Variants in PCDHGB6 observed in about 807,000 individuals in gnomAD.
PCDHGB6 encodes protocadherin gamma subfamily B, 6, also known as protocadherin gamma-B6.
A neutral mutation model predicts 59.1 loss-of-function variants in PCDHGB6; 51 were observed. The observed-to-expected ratio is 0.86, with a 90% confidence interval of 0.69 to 1.09. PCDHGB6 has a LOEUF of 1.09. PCDHGB6 is among the 50% of genes least tolerant of loss of function. The probability of loss-of-function intolerance (pLI) is 0.00; values close to 1 mark genes in which losing one functional copy is unlikely to be tolerated. For missense variants in PCDHGB6, 1,148 were observed against 1,205.1 expected (o/e 0.95, Z 0.70); for synonymous variants, 466 against 495.1 (o/e 0.94, Z 0.78).
chr5:141,464,676 T>C (rs1337677151), intron 1 of PCDHGB6, among the ~76,000 whole-genome samples: 3 of 152,176 alleles, frequency 2.0e-5, no homozygotes, highest in Non-Finnish European at 2.9e-5. Context: ...ATAATTTTAA[T>C]TAAAATTTCT....
chr5:141,503,213 A>G (rs1368413073), intron 2 of PCDHGB6, among the ~76,000 whole-genome samples: 1 of 152,100 alleles, frequency 6.6e-6, no homozygotes, highest in Non-Finnish European at 1.5e-5. Flanking sequence ...AGTGCCCACC[A>G]TGAGCACCGT....
chr5:141,427,654 T>C (rs2097054872), intron 1 of PCDHGB6: 3 of 727,622 alleles, frequency 4.1e-6, no homozygotes, highest in Non-Finnish European at 7.4e-6. Context: ...TCCTACGTGG[T>C]CCACGTGGCC....
Position 141,477,902 on chromosome 5 carries a change from T to A in PCDHGB6, c.2419-16905T>A. ...CCACCTAGTGTCACGGGTGGTAGGC[T>A]GGGACGCGGATGCAGGGCACAATGC... On this transcript the variant is annotated intron_variant, in intron 1 of 3. Transcript: ENST00000520790. The surrounding 1 kb of genome is among the most constrained non-coding windows in gnomAD (Gnocchi z 4.9). The A allele has an allele frequency of 6.2e-7, 1 of 1,614,176 alleles. No homozygotes were observed. Among genetic ancestry groups the A allele is most frequent in the Non-Finnish European group, 8.5e-7 (1 of 1,180,028 alleles).
rs768907590 is a variant in PCDHGB6, at chr5:141,422,045, G to C, written c.2418+11425G>C. Reference sequence around the variant, plus strand: ...GTTAATGCAACGGATCCAGACGAGGGAATCAACGGGGAAGTAATGTATTCA... The same window carrying C: ...GTTAATGCAACGGATCCAGACGAGGCAATCAACGGGGAAGTAATGTATTCA... On this transcript the variant is annotated intron_variant, in intron 1 of 3. Transcript: ENST00000520790. 1.5e-5 allele frequency: 24 copies of C among 1,611,434 alleles called. No individual in the cohort carries two copies. The Admixed American group carries it at 3.9e-4, about 26-fold the overall frequency.
intron 2 of PCDHGB6, among the ~76,000 whole-genome samples, chr5:141,502,431 G>A (rs998074347): frequency 1.3e-5 from 2 of 151,948 alleles, no homozygotes; most frequent in African/African-American, 4.8e-5. Context: ...TTCTCTGATG[G>A]TTAGATTCAG....
At chr5:141,462,360 A>G (rs1400686908) in intron 1 of PCDHGB6, among the ~76,000 whole-genome samples, 1 of 152,238 alleles carries the variant, frequency 6.6e-6, no homozygotes, top group Non-Finnish European at 1.5e-5. Flanking sequence ...TATACATTGT[A>G]TAGTTTCTAT....
intron 1 of PCDHGB6, among the ~76,000 whole-genome samples, chr5:141,457,729 T>A (rs950979422): frequency 2.0e-5 from 3 of 152,236 alleles, no homozygotes; most frequent in Non-Finnish European, 4.4e-5. Context: ...GAATTTCAGA[T>A]TAGACTTTTA....
chr5:141,455,148 A>G (rs6897410), intron 1 of PCDHGB6, among the ~76,000 whole-genome samples: 9,268 of 149,002 alleles, frequency 0.062, 567 homozygotes, highest in African/African-American at 0.16. Flanking sequence ...TTAAATAAAT[A>G]TTAGTTTGTT....
chr5:141,449,688 T>G (rs951233495), intron 1 of PCDHGB6, among the ~76,000 whole-genome samples: 2 of 151,772 alleles, frequency 1.3e-5, no homozygotes, highest in African/African-American at 4.8e-5. Context: ...TATGTTTGTG[T>G]GTATGTACAC....
chr5:141,498,284 G>A (rs1339639509), intron 2 of PCDHGB6, among the ~76,000 whole-genome samples: 1 of 152,004 alleles, frequency 6.6e-6, no homozygotes, highest in Non-Finnish European at 1.5e-5. Flanking sequence ...CTTGGTTCAA[G>A]ATCAAGCCAG....
chr5:141,429,592 T>C (rs2097226711), intron 1 of PCDHGB6, among the ~76,000 whole-genome samples: 1 of 152,234 alleles, frequency 6.6e-6, no homozygotes, highest in Non-Finnish European at 1.5e-5. Flanking sequence ...ATTCTTGTAA[T>C]TCAAGTAAAC....
chr5:141,511,003 G>T lies in PCDHGB6; in HGVS notation c.2623G>T (p.Ala875Ser), dbSNP rs114669158. ...GGGAGTMGLS[A>S]RYGPQFTLQH... The stretch of plus-strand genomic sequence containing the variant: ...GGGTGCCGGCACCATGGGATTGAGC[G>T]CCCGCTACGGACCCCAGTTCACCCT... Residue 875 changes from alanine to serine, a missense_variant, in exon 4 of 4, where the codon GCC (alanine) becomes TCC (serine). Coordinates refer to ENST00000520790, the MANE Select transcript of PCDHGB6 (RefSeq NM_018926.3). 2 of 1,614,032 alleles carry T rather than the reference G, an allele frequency of 1.2e-6. No individual in the cohort carries two copies. Among genetic ancestry groups the T allele is most frequent in the Non-Finnish European group, 1.7e-6 (2 of 1,180,020 alleles).
intron 2 of PCDHGB6, among the ~76,000 whole-genome samples, chr5:141,500,184 TTTTATTTA>T (rs58019021): frequency 0.099 from 13,469 of 135,812 alleles, 757 homozygotes; most frequent in African/African-American, 0.15. Context: ...TCATTTTTAT[TTTTATTTA>T]TTTATTTATT....
intron 1 of PCDHGB6, chr5:141,427,985 C>T (rs747784722): frequency 3.1e-6 from 5 of 1,597,522 alleles, no homozygotes; most frequent in African/African-American, 2.7e-5. Context: ...CGCTGGGGCC[C>T]GATGGCTCCG....
chr5:141,418,832 G>A, intron 1 of PCDHGB6: 1 of 1,614,008 alleles, frequency 6.2e-7, no homozygotes, highest in Non-Finnish European at 8.5e-7. Flanking sequence ...AAAAGACCGA[G>A]GATCTCTCTC....
At chr5:141,498,194 T>C (rs1014641829) in intron 2 of PCDHGB6, among the ~76,000 whole-genome samples, 16 of 152,254 alleles carry the variant, frequency 1.1e-4, no homozygotes, top group African/African-American at 3.6e-4. Context: ...ATTAACCAGC[T>C]AAAGAAAAGA....
intron 1 of PCDHGB6, chr5:141,426,560 G>A (rs1358683534): frequency 5.7e-6 from 2 of 352,756 alleles, no homozygotes; most frequent in South Asian, 2.1e-5. Flanking sequence ...AGAATAGATC[G>A]AGAGTCACTG....
chr5:141,409,508 A>G lies in PCDHGB6; in HGVS notation c.1306A>G (p.Arg436Gly). Reference protein sequence around the residue: ...DRGKPPLSSSRSITLYVADIN... With the variant: ...DRGKPPLSSSGSITLYVADIN... Reference sequence around the variant, plus strand: ...GGGCAAGCCGCCTCTTTCTTCCAGTAGAAGCATCACCTTGTATGTCGCTGA... The same window carrying G: ...GGGCAAGCCGCCTCTTTCTTCCAGTGGAAGCATCACCTTGTATGTCGCTGA... The change falls in exon 1 of 4, where the codon AGA (arginine) becomes GGA (glycine). Residue 436 changes from arginine to glycine, a missense_variant. Arg to Gly is a moderately radical substitution (Grantham distance 125, BLOSUM62 -2). Transcript: ENST00000520790. 1.2e-6 allele frequency: 2 copies of G among 1,614,022 alleles called. No individual in the cohort carries two copies. The highest frequency in any genetic ancestry group is 1.7e-6 in the Non-Finnish European group (2 of 1,179,890).
intron 1 of PCDHGB6, chr5:141,478,333 G>T: frequency 6.2e-7 from 1 of 1,613,928 alleles, no homozygotes; most frequent in Non-Finnish European, 8.5e-7. Context: ...GAACACCAGG[G>T]CCCTCCTTGC....
Sources: allele counts gnomAD v4.1 joint callset (sites outside exome capture counted in the v4.1 genomes callset), GRCh38; gene constraint gnomAD v4.1.1; non-coding constraint Gnocchi (gnomAD v3.1); transcripts MANE v1.5; gene names NCBI Gene and HGNC (gene_info 2026-07-23, HGNC 2026-07-21).